SLC60A2: variants seen among roughly 807,000 people sequenced by gnomAD.
SLC60A2 encodes solute carrier family 60 member 2.
the SLC60A2 span, chr6:111,266,480 G>A: frequency 6.2e-7 from 1 of 1,614,176 alleles, no homozygotes; most frequent in Non-Finnish European, 8.5e-7. Flanking sequence ...TTGGCAGCCT[G>A]ACTTCATCTT....
chr6:111,272,425 G>T, the SLC60A2 span, among the ~76,000 whole-genome samples: 2 of 151,900 alleles, frequency 1.3e-5, no homozygotes, highest in East Asian at 3.9e-4. Context: ...TTGTGCTATA[G>T]CTGTTTTCAG....
At chr6:111,262,406 G>C in the SLC60A2 span, 2 of 1,612,880 alleles carry the variant, frequency 1.2e-6, no homozygotes, top group South Asian at 2.2e-5. Flanking sequence ...TCGATGTCAT[G>C]AATTATTTTT....
At chr6:111,260,610 C>G in the SLC60A2 span, among the ~76,000 whole-genome samples, 2 of 152,202 alleles carry the variant, frequency 1.3e-5, no homozygotes, top group African/African-American at 4.8e-5. Context: ...CGGAAACCTC[C>G]TCCTTATCAC....
chr6:111,266,886 G>C, the SLC60A2 span: 3 of 1,614,026 alleles, frequency 1.9e-6, no homozygotes. Flanking sequence ...GGAAGAGAAT[G>C]AAGAGGAGGA....
the SLC60A2 span, chr6:111,266,743 C>T: frequency 6.2e-7 from 1 of 1,614,184 alleles, no homozygotes; most frequent in Non-Finnish European, 8.5e-7. Context: ...TTGGGAGCAT[C>T]AATAGCTACT....
chr6:111,266,002 C>G, the SLC60A2 span: 1 of 1,614,218 alleles, frequency 6.2e-7, no homozygotes, highest in South Asian at 1.1e-5. Context: ...TTGGGTCCGA[C>G]AGCGTCTGCT....
the SLC60A2 span, chr6:111,264,092 T>G: frequency 1.9e-6 from 1 of 530,752 alleles, no homozygotes; most frequent in Non-Finnish European, 3.4e-6. Flanking sequence ...TGAATCACCC[T>G]TCTAGCAGCT....
chr6:111,266,704 CT>C, the SLC60A2 span: 1 of 1,614,142 alleles, frequency 6.2e-7, no homozygotes, highest in Non-Finnish European at 8.5e-7. Flanking sequence ...GGAAAATACC[CT>C]GATTTGCCTG....
At chr6:111,263,959 T>G in the SLC60A2 span, 1 of 1,323,568 alleles carries the variant, frequency 7.6e-7, no homozygotes, top group Non-Finnish European at 1.1e-6. Context: ...TAGTGAGCTC[T>G]TCAACGTCAT....
the SLC60A2 span, chr6:111,266,630 A>AT: frequency 8.7e-6 from 14 of 1,614,044 alleles, no homozygotes; most frequent in Non-Finnish European, 1.1e-5. Context: ...AATCTGCAGC[A>AT]TTTTTTGTAA....
At chr6:111,279,623 G>A in the SLC60A2 span, among the ~76,000 whole-genome samples, 1 of 152,182 alleles carries the variant, frequency 6.6e-6, no homozygotes, top group African/African-American at 2.4e-5. Context: ...GCTTGGTCCA[G>A]TGCAGGAAAT....
the SLC60A2 span, chr6:111,259,449 C>T: frequency 1.2e-5 from 5 of 416,526 alleles, no homozygotes. Context: ...ACACCCGTGC[C>T]TGGGGTCGGG....
chr6:111,268,339 T>C, the SLC60A2 span: 1 of 149,744 alleles, frequency 6.7e-6, no homozygotes, highest in Non-Finnish European at 1.5e-5. Context: ...TCAGAATGTG[T>C]CTTACAATCA....
At chr6:111,277,489 T>C in the SLC60A2 span, among the ~76,000 whole-genome samples, 1,851 of 152,312 alleles carry the variant, frequency 0.012, 29 homozygotes, top group African/African-American at 0.043. Context: ...ATTTCAGTTA[T>C]CTAACAGATA....
At chr6:111,262,093 A>AC in the SLC60A2 span, among the ~76,000 whole-genome samples, 1 of 152,178 alleles carries the variant, frequency 6.6e-6, no homozygotes, top group Non-Finnish European at 1.5e-5. Flanking sequence ...AAAAAAAATA[A>AC]GAGTTTTAGT....
chr6:111,262,906 T>C, the SLC60A2 span, among the ~76,000 whole-genome samples: 1 of 151,952 alleles, frequency 6.6e-6, no homozygotes, highest in Non-Finnish European at 1.5e-5. Context: ...CCCAGAGTGC[T>C]CTGTCTCACC....
chr6:111,279,893 T>C, the SLC60A2 span, among the ~76,000 whole-genome samples: 1 of 152,112 alleles, frequency 6.6e-6, no homozygotes, highest in Non-Finnish European at 1.5e-5. Context: ...TGAGCCATGA[T>C]CACACCACTG....
At chr6:111,273,258 C>A in the SLC60A2 span, among the ~76,000 whole-genome samples, 1 of 151,888 alleles carries the variant, frequency 6.6e-6, no homozygotes, top group African/African-American at 2.4e-5. Flanking sequence ...TCAAGCAGTC[C>A]CCTGCCTCAG....
At chr6:111,266,175 T>G in the SLC60A2 span, 1 of 1,612,892 alleles carries the variant, frequency 6.2e-7, no homozygotes, top group Admixed American at 1.7e-5. Flanking sequence ...TTGTCTGTTT[T>G]TAAAGAATAG....
Sources: allele counts gnomAD v4.1 joint callset (sites outside exome capture counted in the v4.1 genomes callset), GRCh38; gene constraint gnomAD v4.1.1; transcripts MANE v1.5; gene names NCBI Gene and HGNC (gene_info 2026-07-23, HGNC 2026-07-21).